Variants in ZSWIM8 observed in about 807,000 individuals in gnomAD.
ZSWIM8 encodes zinc finger SWIM-type containing 8.
ZSWIM8 carries 27 observed loss-of-function variants against 173.7 expected under a neutral mutation model. That is an observed-to-expected ratio of 0.16 (90% CI 0.11 to 0.21). ZSWIM8 has a LOEUF of 0.21. Ranked by LOEUF, ZSWIM8 falls within the 10% of genes least tolerant of loss-of-function variation. The pLI, the probability that ZSWIM8 is intolerant of heterozygous loss-of-function variation, is 1.00. For synonymous variants in ZSWIM8, 958 were observed against 962.0 expected (o/e 1.00, Z 0.08); for missense variants, 1,627 against 2,428.8 (o/e 0.67, Z 6.94).
rs562308815 is a variant in ZSWIM8, at chr10:73,789,279, T to C, written c.458-88T>C. 3.1e-6 allele frequency: 5 copies of C among 1,599,164 alleles called. No individual in the cohort carries two copies. Among genetic ancestry groups the C allele is most frequent in the Admixed American group, 1.7e-5 (1 of 58,442 alleles). On this transcript the variant is annotated intron_variant, in intron 3 of 25. Coordinates refer to ENST00000604729, the MANE Select transcript of ZSWIM8 (RefSeq NM_001367799.1). This position sits in a 1 kb window ranked among gnomAD's most constrained non-coding sequence, Gnocchi z 6.8. ...GAACACACCGCAAGAAGCTGGAGCA[T>C]GTTGTCTGAATAACTGCAGGGCCAG...
chr10:73,799,423 C>T lies in ZSWIM8; in HGVS notation c.4598C>T (p.Pro1533Leu). Residue 1533 changes from proline to leucine, a missense_variant, in exon 21 of 26, where the codon CCT (proline) becomes CTT (leucine). Transcript: ENST00000604729. ...SPQYLTHPAH[P>L]AHPMPHMPRP... is the part of the protein sequence containing the mutation. ...CAGTATCTCACTCACCCAGCTCACC[C>T]TGCCCACCCCATGCCTCACATGCCC... 6 of 1,609,238 alleles carry T rather than the reference C, an allele frequency of 3.7e-6. No homozygotes were observed. Among genetic ancestry groups the T allele is most frequent in the Non-Finnish European group, 5.1e-6 (6 of 1,177,986 alleles).
intron 14 of ZSWIM8, 68 bp downstream of exon 14, chr10:73,794,707 G>A (rs2083549239): frequency 7.4e-7 from 1 of 1,348,228 alleles, no homozygotes; most frequent in African/African-American, 1.4e-5. Flanking sequence ...CCTGTGCCTT[G>A]TTGTGAAGGG....
rs2083404507 is a variant in ZSWIM8, at chr10:73,791,232, C to T, written c.1143+56C>T. 3 of 1,568,134 alleles carry T rather than the reference C, an allele frequency of 1.9e-6. No homozygotes were observed. Among genetic ancestry groups the T allele is most frequent in the South Asian group, 2.4e-5 (2 of 84,488 alleles). On this transcript the variant is annotated intron_variant, in intron 8 of 25. Transcript: ENST00000604729. This position sits in a 1 kb window ranked among gnomAD's most constrained non-coding sequence, Gnocchi z 6.0. ...TAGCTCATTCTTTCCCTCCCCCTGC[C>T]TCATCCTCCTCTTGCTGAAATGGAC...
chr10:73,791,617 G>T lies in ZSWIM8; in HGVS notation c.1319+118G>T, dbSNP rs778117595. ...GATTTTAGTCCTCGGGAAACGGGAG[G>T]TGCTGAGCACTGGTGTTAGCAGTGA... On this transcript the variant is annotated intron_variant, in intron 9 of 25. Transcript: ENST00000604729. The surrounding 1 kb of genome is among the most constrained non-coding windows in gnomAD (Gnocchi z 6.0). 43 of 1,261,084 alleles carry T rather than the reference G, an allele frequency of 3.4e-5. No homozygotes were observed. The highest frequency in any genetic ancestry group is 3.2e-6 in the Non-Finnish European group (3 of 938,244). 78.1% of individuals were successfully genotyped at this position (1,261,084 alleles called of 1,614,324 possible).
At chr10:73,798,799 C>T (rs978548891) in intron 20 of ZSWIM8, among the ~76,000 whole-genome samples, 1 of 152,138 alleles carries the variant, frequency 6.6e-6, no homozygotes, top group African/African-American at 2.4e-5. Flanking sequence ...GGGACTATAA[C>T]CTGGGTCTTG....
chr10:73,790,883 C>G, intron 7 of ZSWIM8, 92 bp from the exon 8 acceptor site: 1 of 1,260,418 alleles, frequency 7.9e-7, no homozygotes, highest in East Asian at 2.4e-5. Context: ...GTCTTTTTCC[C>G]TCTATCTTCT....
rs763933564 is a variant in ZSWIM8 at position 73,791,164 on chromosome 10, C to T, written c.1131C>T (p.Leu377=). ...PLLEILTDQC[L]TYEQITGWWY... Reference sequence around the variant, plus strand: ...TGGAAATCCTCACTGACCAGTGCCTCACCTATGAACAGGTAATCACTCAGC... The same window carrying T: ...TGGAAATCCTCACTGACCAGTGCCTTACCTATGAACAGGTAATCACTCAGC... Residue 377 remains leucine (L), a synonymous_variant, in exon 8 of 26, where the codon CTC becomes CTT. Transcript: ENST00000604729. This position sits in a 1 kb window ranked among gnomAD's most constrained non-coding sequence, Gnocchi z 6.0. The T allele has an allele frequency of 5.3e-5, 85 of 1,605,000 alleles. No homozygotes were observed. Among genetic ancestry groups the T allele is most frequent in the Non-Finnish European group, 7.1e-5 (83 of 1,173,426 alleles).
Position 73,791,114 on chromosome 10 carries a change from A to G in ZSWIM8, c.1081A>G (p.Arg361Gly). Reference protein sequence around the residue: ...LSIVREMFKRRDSNAAPLLEI... With the variant: ...LSIVREMFKRGDSNAAPLLEI... ...CATTGTGCGGGAGATGTTCAAGCGGAGGGACAGCAATGCTGCCCCCTTGTT... is the reference window on the plus strand; with the variant it reads ...CATTGTGCGGGAGATGTTCAAGCGGGGGGACAGCAATGCTGCCCCCTTGTT... The change falls in exon 8 of 26, where the codon AGG (arginine) becomes GGG (glycine). Residue 361 changes from arginine to glycine, a missense_variant. Transcript: ENST00000604729. The surrounding 1 kb of genome is among the most constrained non-coding windows in gnomAD (Gnocchi z 6.0). The G allele has an allele frequency of 6.2e-7, 1 of 1,613,766 alleles. No individual in the cohort carries two copies. The highest frequency in any genetic ancestry group is 1.1e-5 in the South Asian group (1 of 91,056).
intron 1 of ZSWIM8, chr10:73,786,355 CGCGT>C: frequency 2.7e-6 from 1 of 370,626 alleles, no homozygotes; most frequent in African/African-American, 2.1e-5. Flanking sequence ...TGCGCGCGCG[CGCGT>C]GCGCGCGCTG....
In ZSWIM8 at chr10:73,797,287, G is replaced by T; in HGVS notation, c.3433+16G>T. On this transcript the variant is annotated intron_variant, in intron 17 of 25. Transcript: ENST00000604729. The surrounding 1 kb of genome is among the most constrained non-coding windows in gnomAD (Gnocchi z 5.6). Reference sequence around the variant, plus strand: ...AAGCACACAGGTAGGATAGCCTGTGGGCTAGCATAGAGGGAAGGATAATCC... The same window carrying T: ...AAGCACACAGGTAGGATAGCCTGTGTGCTAGCATAGAGGGAAGGATAATCC... The T allele has an allele frequency of 6.2e-7, 1 of 1,613,874 alleles. No homozygotes were observed. Among genetic ancestry groups the T allele is most frequent in the Non-Finnish European group, 8.5e-7 (1 of 1,179,814 alleles).
In ZSWIM8 at chr10:73,792,762, G is replaced by A; in HGVS notation, c.2223G>A (p.Gly741=). ...ATCTGAATGCCCAGGATGGGGCTGG[G>A]GGCGAGGAAGAGAAGGCCGAGGGCG... ...AYYLNAQDGA[G]GEEEKAEGGA... Residue 741 remains glycine, a synonymous_variant, in exon 10 of 26, where the codon GGG becomes GGA. Coordinates refer to ENST00000604729, the MANE Select transcript of ZSWIM8 (RefSeq NM_001367799.1). This position sits in a 1 kb window ranked among gnomAD's most constrained non-coding sequence, Gnocchi z 4.3. The A allele has an allele frequency of 6.2e-7, 1 of 1,612,492 alleles. No individual in the cohort carries two copies. Among genetic ancestry groups the A allele is most frequent in the Non-Finnish European group, 8.5e-7 (1 of 1,179,830 alleles).
rs1038443795 is a variant in ZSWIM8 at position 73,798,927 on chromosome 10, C to T, written c.4177-75C>T. Reference sequence around the variant, plus strand: ...GGGAATGAGACAGCTCTGAGGGAGACATTGGAATCTCATCTAACACCTTCC... The same window carrying T: ...GGGAATGAGACAGCTCTGAGGGAGATATTGGAATCTCATCTAACACCTTCC... On this transcript the variant is annotated intron_variant, in intron 20 of 25. Coordinates refer to ENST00000604729, the MANE Select transcript of ZSWIM8 (RefSeq NM_001367799.1). The T allele has an allele frequency of 7.9e-6, 12 of 1,522,552 alleles. No homozygotes were observed. In the African/African-American group the frequency reaches 1.7e-4, roughly 21 times the overall value. The allele number at this position is 1,522,552 out of a possible 1,614,324, so 94.3% of individuals were successfully genotyped here. A position where few individuals can be genotyped will look rare whatever the true frequency, so the allele number is the denominator to read the frequency against.
rs1014303037 is a variant in ZSWIM8, at chr10:73,797,663, C to T, written c.3662+58C>T. On this transcript the variant is annotated intron_variant, in intron 18 of 25. Coordinates refer to ENST00000604729, the MANE Select transcript of ZSWIM8 (RefSeq NM_001367799.1). The surrounding 1 kb of genome is among the most constrained non-coding windows in gnomAD (Gnocchi z 5.6). Reference sequence around the variant, plus strand: ...CTGGCCCACCCTCAGAGCCACACCCCTAGTGCAATCCAACCATTGTCTCCC... The same window carrying T: ...CTGGCCCACCCTCAGAGCCACACCCTTAGTGCAATCCAACCATTGTCTCCC... The T allele has an allele frequency of 1.4e-5, 22 of 1,585,480 alleles. No homozygotes were observed. The African/African-American group carries it at 3.0e-4, about 21-fold the overall frequency.
At chr10:73,786,417 T>TGC (rs1565067121) in intron 1 of ZSWIM8, 1 of 294,306 alleles carries the variant, frequency 3.4e-6, no homozygotes, top group Non-Finnish European at 6.3e-6. Context: ...GTCACTCCTT[T>TGC]GCCTTAGAGA....
intron 2 of ZSWIM8, 59 bp downstream of exon 2, chr10:73,788,882 G>C (rs561520623): frequency 5.5e-5 from 88 of 1,599,042 alleles, no homozygotes; most frequent in Non-Finnish European, 1.2e-5. Flanking sequence ...CTGTCTGCTG[G>C]GTTTCCCATA....
Position 73,792,872 on chromosome 10 carries a change from G to C in ZSWIM8, c.2313+20G>C, listed in dbSNP as rs768466611. 2 of 1,527,032 alleles carry C rather than the reference G, an allele frequency of 1.3e-6. No homozygotes were observed. The highest frequency in any genetic ancestry group is 2.3e-4 in the Middle Eastern group (1 of 4,342). 94.6% of individuals were successfully genotyped at this position (1,527,032 alleles called of 1,614,324 possible). A position where few individuals can be genotyped will look rare whatever the true frequency, so the allele number is the denominator to read the frequency against. ...ATGGAGGTGAGGGGATGGAAGGAGG[G>C]AGGGCTGGGTGCTCCTTAGCCACAA... On this transcript the variant is annotated intron_variant, in intron 10 of 25. Coordinates refer to ENST00000604729, the MANE Select transcript of ZSWIM8 (RefSeq NM_001367799.1). The surrounding 1 kb of genome is among the most constrained non-coding windows in gnomAD (Gnocchi z 4.3).
rs1280369756 is a variant in ZSWIM8 at position 73,795,522 on chromosome 10, G to A, written c.2909-17G>A. 3.1e-6 allele frequency: 5 copies of A among 1,613,400 alleles called. No homozygotes were observed. Among genetic ancestry groups the A allele is most frequent in the South Asian group, 1.1e-5 (1 of 91,066 alleles). On this transcript the variant is annotated splice_polypyrimidine_tract_variant and intron_variant, in intron 14 of 25. Transcript: ENST00000604729. ...TTATGACTACTCTCAATCCCCATAA[G>A]GTCCTCTTTCTCGCAGGCATGAAGA...
intron 14 of ZSWIM8, chr10:73,794,929 A>T: frequency 6.5e-6 from 1 of 153,242 alleles, no homozygotes; most frequent in Admixed American, 6.8e-5. Flanking sequence ...CTCTACTTAA[A>T]AAAAAAAAAA....
intron 13 of ZSWIM8, 90 bp downstream of exon 13, chr10:73,794,420 C>T (rs1364003890): frequency 2.6e-6 from 4 of 1,568,010 alleles, no homozygotes; most frequent in Middle Eastern, 1.7e-4. Context: ...TCTGAATCAC[C>T]TTTAGGACCC....
Sources: allele counts gnomAD v4.1 joint callset (sites outside exome capture counted in the v4.1 genomes callset), GRCh38; gene constraint gnomAD v4.1.1; non-coding constraint Gnocchi (gnomAD v3.1); transcripts MANE v1.5; gene names NCBI Gene and HGNC (gene_info 2026-07-23, HGNC 2026-07-21).